The following HMCN1 variants were observed in gnomAD, a reference collection of about 807,000 sequenced individuals.
HMCN1 encodes the protein hemicentin-1.
Under a neutral mutation model 625.9 loss-of-function variants are expected in HMCN1, and 321 were observed. The ratio of observed to expected loss-of-function variants is 0.51; its 90% CI spans 0.47 to 0.56. The LOEUF is 0.56. HMCN1 is among the 20% of genes least tolerant of loss of function. HMCN1 has a pLI of 0.00. For missense variants in HMCN1, 6,588 were observed against 6,887.3 expected (o/e 0.96, Z 1.54); for synonymous variants, 2,425 against 2,417.6 (o/e 1.00, Z -0.09).
At chr1:186,040,607 A>G (rs568388160) in intron 39 of HMCN1, among the ~76,000 whole-genome samples, 52 of 152,294 alleles carry the variant, frequency 3.4e-4, no homozygotes, top group African/African-American at 1.2e-3. Flanking sequence ...AAGGTAGCTT[A>G]TTAATTAATT....
At chr1:185,971,003 A>T (rs1328951309) in intron 15 of HMCN1, among the ~76,000 whole-genome samples, 1 of 152,090 alleles carries the variant, frequency 6.6e-6, no homozygotes, top group Non-Finnish European at 1.5e-5. Flanking sequence ...TTATACGGAA[A>T]GATCCTAAAA....
intron 69 of HMCN1, among the ~76,000 whole-genome samples, chr1:186,104,524 A>T (rs1414386520): frequency 6.6e-6 from 1 of 152,192 alleles, no homozygotes; most frequent in Non-Finnish European, 1.5e-5. Context: ...AAAAGAGCTA[A>T]GAGTTATAAA....
intron 11 of HMCN1, among the ~76,000 whole-genome samples, chr1:185,952,307 C>T (rs1023137365): frequency 3.3e-5 from 5 of 151,630 alleles, no homozygotes; most frequent in Non-Finnish European, 5.9e-5. Context: ...GGTGGAGGAG[C>T]AGAGGCTGAG....
At chr1:186,130,234 A>G in intron 84 of HMCN1, 134 bp downstream of exon 84, 2 of 1,220,178 alleles carry the variant, frequency 1.6e-6, no homozygotes, top group South Asian at 2.8e-5. Flanking sequence ...CAGATGTACA[A>G]ATTCATGAGA....
chr1:186,020,042 G>C (rs1464309247), intron 35 of HMCN1, among the ~76,000 whole-genome samples: 1 of 151,866 alleles, frequency 6.6e-6, no homozygotes, highest in African/African-American at 2.4e-5. Flanking sequence ...GTAAAATTAA[G>C]ATACAGTCAT....
In HMCN1 at chr1:185,922,247, A is replaced by G. The variant is rs563959793; in HGVS notation, c.901-132A>G. 33 of 968,578 alleles carry G rather than the reference A, an allele frequency of 3.4e-5. No homozygotes were observed. The South Asian group carries it at 4.2e-4, about 12-fold the overall frequency. The allele number at this position is 968,578 out of a possible 1,614,324, so 60.0% of individuals were successfully genotyped here. ...ATAGAATCCTAGTTATGTTGAGAAC[A>G]TCAGATCAGAGCCTCAGTTTTTGGA... On this transcript the variant is annotated intron_variant, in intron 6 of 106. Coordinates refer to ENST00000271588, the MANE Select transcript of HMCN1 (RefSeq NM_031935.3).
rs768258753 is a variant in HMCN1 at position 186,082,870 on chromosome 1, G to T, written c.8793G>T (p.Leu2931=). ...FLSNGRILQI[L]NTQITDIGRY... ...TTTCTTCATTTTTCCCTTAGATTCT[G>T]AATACTCAAATAACAGATATCGGCA... Residue 2931 remains leucine, a synonymous_variant, in exon 57 of 107, where the codon CTG becomes CTT. Transcript: ENST00000271588. 10 of 1,568,166 alleles carry T rather than the reference G, an allele frequency of 6.4e-6. No individual in the cohort carries two copies. In the South Asian group the frequency reaches 1.2e-4, roughly 19 times the overall value.
Position 186,166,232 on chromosome 1 carries a change from A to G in HMCN1, c.15368A>G (p.Asn5123Ser), listed in dbSNP as rs1256871610. ...AGNPCSHSCH[N>S]AMGTYYCSCP... The stretch of plus-strand genomic sequence containing the variant: ...AATCCCTGCTCCCATAGCTGCCACA[A>G]TGCCATGGGGACTTACTACTGCTCC... Residue 5123 changes from asparagine (N) to serine (S), a missense_variant, in exon 99 of 107, where the codon AAT becomes AGT. Physicochemically the swap from Asn to Ser is conservative, Grantham distance 46. Transcript: ENST00000271588. The G allele has an allele frequency of 1.2e-6, 2 of 1,613,922 alleles. No homozygotes were observed. The highest frequency in any genetic ancestry group is 1.7e-5 in the Admixed American group (1 of 60,000).
intron 15 of HMCN1, among the ~76,000 whole-genome samples, chr1:185,977,344 A>G (rs1651290237): frequency 6.6e-6 from 1 of 152,184 alleles, no homozygotes; most frequent in Non-Finnish European, 1.5e-5. Context: ...ATTATAGAAT[A>G]ATGAACTCTG....
In HMCN1 at chr1:186,134,885, T is replaced by A. The variant is rs118048207; in HGVS notation, c.13313-1783T>A. On this transcript the variant is annotated intron_variant, in intron 86 of 106. Transcript: ENST00000271588. Reference sequence around the variant, plus strand: ...ATATGCTGCCCCGTTTGCTTTCTTATTTAAATGAAAACCTTTCTTATTTTA... The same window carrying A: ...ATATGCTGCCCCGTTTGCTTTCTTAATTAAATGAAAACCTTTCTTATTTTA... 1.0e-3 allele frequency among the ~76,000 whole-genome samples: 157 copies of A among 152,314 alleles called. 4 individuals are homozygous for A. In the East Asian group the frequency reaches 0.024, roughly 23 times the overall value.
chr1:185,788,734 T>C lies in HMCN1; in HGVS notation c.268+53687T>C. On this transcript the variant is annotated intron_variant, in intron 1 of 106. Coordinates refer to ENST00000271588, the MANE Select transcript of HMCN1 (RefSeq NM_031935.3). ...TGCTCTTAGAAGAACAGAGGTTTTGTTTCATTTTGTGAGGACATGAGGTTG... is the reference window on the plus strand; with the variant it reads ...TGCTCTTAGAAGAACAGAGGTTTTGCTTCATTTTGTGAGGACATGAGGTTG... Among the ~76,000 whole-genome samples, 2 of 152,198 alleles carry C rather than the reference T, an allele frequency of 1.3e-5. 1 individual carries two copies. Among genetic ancestry groups the C allele is most frequent in the East Asian group, 3.8e-4 (2 of 5,206 alleles).
At chr1:186,012,194 C>G (rs1280117010) in intron 30 of HMCN1, among the ~76,000 whole-genome samples, 1 of 151,478 alleles carries the variant, frequency 6.6e-6, no homozygotes, top group East Asian at 1.9e-4. Context: ...TAACACTTTA[C>G]ATTGTAATAA....
intron 45 of HMCN1, among the ~76,000 whole-genome samples, chr1:186,056,489 A>G (rs1454930287): frequency 2.6e-5 from 4 of 152,008 alleles, no homozygotes; most frequent in African/African-American, 9.7e-5. Flanking sequence ...TAGCAAAGAC[A>G]TAGAATCAGC....
At chr1:185,977,639 T>C (rs557248901) in intron 15 of HMCN1, 148 bp from the exon 16 acceptor site, 1 of 651,302 alleles carries the variant, frequency 1.5e-6, no homozygotes, top group African/African-American at 1.8e-5. Context: ...TGTTTTTACC[T>C]AAGAGAGGAA....
At chr1:186,188,030 C>T (rs749795447) in intron 106 of HMCN1, 21 bp downstream of exon 106, 9 of 1,613,596 alleles carry the variant, frequency 5.6e-6, no homozygotes, top group Non-Finnish European at 3.4e-6. Context: ...CCTTCTCATC[C>T]CAGACATGCT....
chr1:185,892,098 T>G (rs1051723308), intron 4 of HMCN1, among the ~76,000 whole-genome samples: 1 of 146,402 alleles, frequency 6.8e-6, no homozygotes, highest in African/African-American at 2.8e-5. Flanking sequence ...TCCAGTTGAT[T>G]GCATCGGGTC....
At chr1:186,061,415 G>A (rs1657689818) in intron 46 of HMCN1, among the ~76,000 whole-genome samples, 1 of 152,046 alleles carries the variant, frequency 6.6e-6, no homozygotes, top group East Asian at 1.9e-4. Context: ...CCCATGATCA[G>A]GTCACCTCCA....
chr1:186,145,895 G>A lies in HMCN1; in HGVS notation c.14580G>A (p.Val4860=). 1 of 1,614,044 alleles carries A rather than the reference G, an allele frequency of 6.2e-7. No homozygotes were observed. The highest frequency in any genetic ancestry group is 1.1e-5 in the South Asian group (1 of 91,072). The change falls in exon 93 of 107, where the codon GTG becomes GTA. Residue 4860 remains valine (V), a synonymous_variant. Coordinates refer to ENST00000271588, the MANE Select transcript of HMCN1 (RefSeq NM_031935.3). ...GRPCPGDTTQ[V]TRCNVQACPG... ...CCTGTCCCGGAGACACTACTCAGGTGACCAGGTGCAATGTACAAGCATGTC... is the reference window on the plus strand; with the variant it reads ...CCTGTCCCGGAGACACTACTCAGGTAACCAGGTGCAATGTACAAGCATGTC...
chr1:185,970,144 T>C (rs952538463), intron 14 of HMCN1, among the ~76,000 whole-genome samples, 191 bp from the exon 15 acceptor site: 7 of 152,220 alleles, frequency 4.6e-5, no homozygotes, highest in African/African-American at 1.7e-4. Flanking sequence ...CAGATATAAA[T>C]AGAAAATATT....
Sources: allele counts gnomAD v4.1 joint callset (sites outside exome capture counted in the v4.1 genomes callset), GRCh38; gene constraint gnomAD v4.1.1; transcripts MANE v1.5; gene names NCBI Gene and HGNC (gene_info 2026-07-23, HGNC 2026-07-21).